Variants in SNRPG observed in about 807,000 individuals in gnomAD.
The protein encoded by SNRPG is small nuclear ribonucleoprotein G.
In SNRPG, 3 loss-of-function variants were observed where a neutral mutation model predicts 13.9. The observed-to-expected ratio is 0.22, with a 90% CI of 0.10 to 0.56. The LOEUF (loss-of-function observed/expected upper bound fraction) is 0.56. Ranked by LOEUF, SNRPG falls within the 20% of genes least tolerant of loss-of-function variation. The pLI is 0.93. For missense variants in SNRPG, 34 were observed against 96.1 expected, an observed-to-expected ratio of 0.35 and a Z score of 2.70; for synonymous variants, 29 against 29.3, an observed-to-expected ratio of 0.99 and a Z score of 0.03.
chr2:70,290,027 A>G (rs1697043644), intron 1 of SNRPG, among the ~76,000 whole-genome samples: 1 of 141,836 alleles, frequency 7.1e-6, no homozygotes. Flanking sequence ...TTTTTAAGAG[A>G]TGGGAGTCTC....
In SNRPG at chr2:70,281,451, G is replaced by GA. The variant is rs1696780644; in HGVS notation, c.*182dup. 9.6e-6 allele frequency: 4 copies of GA among 414,914 alleles called. No individual in the cohort carries two copies. The highest frequency in any genetic ancestry group is 4.0e-5 in the East Asian group (1 of 25,148). The allele number at this position is 414,914 out of a possible 1,614,324, so 25.7% of individuals were successfully genotyped here. On this transcript the variant is annotated 3_prime_UTR_variant, in exon 4 of 4. Transcript: ENST00000272348. ...ATGTCAACCAGGAAAATTCATGTTAGAAAAAACTGGAATGAGAGCTGATAT... is the reference window on the plus strand; with the variant it reads ...ATGTCAACCAGGAAAATTCATGTTAGAAAAAAACTGGAATGAGAGCTGATAT...
At chr2:70,290,090 C>T (rs1019861515) in intron 1 of SNRPG, among the ~76,000 whole-genome samples, 1 of 151,308 alleles carries the variant, frequency 6.6e-6, no homozygotes. Flanking sequence ...ATATACTCCC[C>T]CTCAGCCTCC....
intron 2 of SNRPG, among the ~76,000 whole-genome samples, chr2:70,288,968 TGA>T (rs1697011101): frequency 6.6e-6 from 1 of 152,166 alleles, no homozygotes; most frequent in Admixed American, 6.5e-5. Flanking sequence ...TTTTTTTTTT[TGA>T]GACGGAGTCT....
At chr2:70,284,220 T>C (rs1182820580) in intron 3 of SNRPG, among the ~76,000 whole-genome samples, 1 of 152,152 alleles carries the variant, frequency 6.6e-6, no homozygotes, top group Non-Finnish European at 1.5e-5. Context: ...CAGTGGCTAT[T>C]CACATGCACA....
chr2:70,286,305 TAATG>T (rs1696940200), intron 3 of SNRPG, among the ~76,000 whole-genome samples: 1 of 152,328 alleles, frequency 6.6e-6, no homozygotes, highest in East Asian at 1.9e-4. Flanking sequence ...GACAAGGTAA[TAATG>T]AAGCCAACTG....
chr2:70,289,381 G>A lies in SNRPG; in HGVS notation c.33-9C>T. 1.4e-6 allele frequency: 2 copies of A among 1,416,624 alleles called. No individual in the cohort carries two copies. The highest frequency in any genetic ancestry group is 2.0e-6 in the Non-Finnish European group (2 of 1,025,020). The allele number at this position is 1,416,624 out of a possible 1,614,324, so 87.8% of individuals were successfully genotyped here. On this transcript the variant is annotated splice_polypyrimidine_tract_variant and intron_variant, in intron 1 of 3. Transcript: ENST00000272348. ...ACTTCTTGTCCATAAATCTGAAAAA[G>A]GAAAAGGGTAAAGATTATATAACCA...
At chr2:70,290,385 T>C (rs1250563760) in intron 1 of SNRPG, among the ~76,000 whole-genome samples, 1 of 152,042 alleles carries the variant, frequency 6.6e-6, no homozygotes, top group Non-Finnish European at 1.5e-5. Flanking sequence ...GAATAATAAA[T>C]GCACATTTGA....
chr2:70,290,860 AAT>A (rs1301858063), intron 1 of SNRPG, among the ~76,000 whole-genome samples: 13 of 134,068 alleles, frequency 9.7e-5, no homozygotes, highest in African/African-American at 3.4e-4. Flanking sequence ...AAAAAAAAAA[AAT>A]TAGTCGGGTG....
intron 1 of SNRPG, chr2:70,293,343 A>T: frequency 1.6e-6 from 1 of 637,050 alleles, no homozygotes; most frequent in Admixed American, 2.5e-5. Context: ...GGAACGAGGG[A>T]CAGCGCCGGG....
intron 3 of SNRPG, among the ~76,000 whole-genome samples, chr2:70,285,291 T>C (rs903324606): frequency 6.6e-6 from 1 of 152,134 alleles, no homozygotes; most frequent in African/African-American, 2.4e-5. Context: ...AAGTTCGTGC[T>C]GGCCAGGCGC....
Position 70,290,823 on chromosome 2 carries a change from T to TAAAAA in SNRPG, c.33-1456_33-1452dup, listed in dbSNP as rs57720967. ...CAACATGGAGAAAACCCGTCTCTAC[T>TAAAAA]AAAAAAAAAAAAAAAAAAAAAAAAA... On this transcript the variant is annotated intron_variant, in intron 1 of 3. Transcript: ENST00000272348. 2.4e-4 allele frequency among the ~76,000 whole-genome samples: 6 copies of TAAAAA among 25,284 alleles called. 1 individual carries two copies. Among genetic ancestry groups the TAAAAA allele is most frequent in the South Asian group, 5.4e-3 (2 of 370 alleles). 16.6% of individuals were successfully genotyped at this position (25,284 alleles called of 152,430 possible). A position where few individuals can be genotyped will look rare whatever the true frequency, so the allele number is the denominator to read the frequency against.
intron 3 of SNRPG, among the ~76,000 whole-genome samples, chr2:70,287,657 A>C (rs1475754990): frequency 6.6e-6 from 1 of 152,238 alleles, no homozygotes; most frequent in Non-Finnish European, 1.5e-5. Flanking sequence ...GCAGATCTGC[A>C]TTAGGCATTA....
At chr2:70,290,893 C>T (rs911456000) in intron 1 of SNRPG, among the ~76,000 whole-genome samples, 43 of 142,574 alleles carry the variant, frequency 3.0e-4, no homozygotes, top group Non-Finnish European at 4.8e-4. Context: ...TGCTTGTAAT[C>T]CCAGCTACTC....
chr2:70,286,360 A>C (rs1012749441), intron 3 of SNRPG, among the ~76,000 whole-genome samples: 1 of 152,124 alleles, frequency 6.6e-6, no homozygotes, highest in Non-Finnish European at 1.5e-5. Context: ...CAAAACCTTA[A>C]CCTATTTGTT....
chr2:70,290,415 TA>T lies in SNRPG; in HGVS notation c.33-1044del, dbSNP rs917864202. Among the ~76,000 whole-genome samples the T allele has an allele frequency of 6.1e-4, 92 of 151,640 alleles. 1 individual carries two copies. The highest frequency in any genetic ancestry group is 2.1e-3 in the African/African-American group (87 of 41,358). ...ATTTGAAACTTCAAACGATATGAAT[TA>T]AAAAAAAATTCCATTTTAGTGGAAT... On this transcript the variant is annotated intron_variant, in intron 1 of 3. Coordinates refer to ENST00000272348, the MANE Select transcript of SNRPG (RefSeq NM_003096.4).
intron 3 of SNRPG, chr2:70,287,778 T>A (rs1696979623): frequency 2.2e-6 from 1 of 456,276 alleles, no homozygotes; most frequent in African/African-American, 2.0e-5. Flanking sequence ...TCAGAACTAC[T>A]GCTCTAATGA....
At chr2:70,285,586 A>G (rs929397474) in intron 3 of SNRPG, among the ~76,000 whole-genome samples, 4 of 150,660 alleles carry the variant, frequency 2.7e-5, no homozygotes, top group African/African-American at 7.3e-5. Flanking sequence ...ACGCGCGTGC[A>G]CACACACACA....
intron 1 of SNRPG, chr2:70,291,191 T>G (rs1697086779): frequency 1.3e-5 from 2 of 152,220 alleles, no homozygotes; most frequent in Admixed American, 1.3e-4. Flanking sequence ...GATGGAGAAC[T>G]AGGCTTGGAA....
chr2:70,285,477 CAGG>C (rs1380630910), intron 3 of SNRPG, among the ~76,000 whole-genome samples: 1 of 152,126 alleles, frequency 6.6e-6, no homozygotes, highest in Non-Finnish European at 1.5e-5. Flanking sequence ...GAAGCTGAGG[CAGG>C]AGAACTGCTT....
Sources: allele counts gnomAD v4.1 joint callset (sites outside exome capture counted in the v4.1 genomes callset), GRCh38; gene constraint gnomAD v4.1.1; transcripts MANE v1.5; gene names NCBI Gene and HGNC (gene_info 2026-07-23, HGNC 2026-07-21).